Variants in POGLUT2 observed in about 807,000 individuals in gnomAD.
The protein encoded by POGLUT2 is ER protein 58.
POGLUT2 carries 47 observed loss-of-function variants against 57.6 expected under a neutral mutation model. The ratio of observed to expected loss-of-function variants is 0.82; its 90% CI spans 0.65 to 1.04. The LOEUF (loss-of-function observed/expected upper bound fraction) is 1.04, where lower values mean the gene tolerates loss of function less well. POGLUT2 is among the 50% of genes least tolerant of loss of function. The probability of loss-of-function intolerance (pLI) is 0.00; values close to 1 mark genes in which losing one functional copy is unlikely to be tolerated. For missense variants in POGLUT2, 565 were observed against 614.8 expected, an observed-to-expected ratio of 0.92 and a Z score of 0.86; for synonymous variants, 200 against 218.8, an observed-to-expected ratio of 0.91 and a Z score of 0.76.
In POGLUT2 at chr13:102,793,581, C is replaced by CA; in HGVS notation, c.594+19dup. On this transcript the variant is annotated intron_variant, in intron 3 of 9. Coordinates refer to ENST00000376004, the MANE Select transcript of POGLUT2 (RefSeq NM_024089.3). ...AAAAAAAATCACTAAAACAAACAAG[C>CA]AAAAAATCATGTGTTGTACCTTGTT... 1 of 1,595,824 alleles carries CA rather than the reference C, an allele frequency of 6.3e-7. No individual in the cohort carries two copies. Among genetic ancestry groups the CA allele is most frequent in the Non-Finnish European group, 8.6e-7 (1 of 1,165,146 alleles).
At chr13:102,789,285 T>A in intron 6 of POGLUT2, 64 bp from the exon 7 acceptor site, 1 of 1,343,170 alleles carries the variant, frequency 7.4e-7, no homozygotes, top group Non-Finnish European at 1.1e-6. Context: ...TCTATTCTCC[T>A]TCCCATCCCA....
Position 102,798,660 on chromosome 13 carries a change from G to A in POGLUT2, c.11C>T (p.Thr4Ile). ...CAGAAAGAAGCAATAAAGTAGCAAA[G>A]TGCCAAACATTTACAAGACGGACTC... MFG[T>I]LLLYCFFLAT... is the part of the protein sequence containing the mutation. Residue 4 changes from threonine (T) to isoleucine (I), a missense_variant, in exon 1 of 10, where the codon ACT (threonine) becomes ATT (isoleucine). Coordinates refer to ENST00000376004, the MANE Select transcript of POGLUT2 (RefSeq NM_024089.3). The A allele has an allele frequency of 1.3e-6, 2 of 1,594,692 alleles. No homozygotes were observed. The highest frequency in any genetic ancestry group is 8.5e-7 in the Non-Finnish European group (1 of 1,170,110).
rs1187235201 is a variant in POGLUT2, at chr13:102,798,633, G to T, written c.38C>A (p.Ala13Glu). 6.2e-7 allele frequency: 1 copy of T among 1,608,774 alleles called. No individual in the cohort carries two copies. The highest frequency in any genetic ancestry group is 8.5e-7 in the Non-Finnish European group (1 of 1,178,120). ...GGTCTCGGCGAGTGCTGGAACTGTC[G>T]CCAGAAAGAAGCAATAAAGTAGCAA... ...GTLLLYCFFL[A>E]TVPALAETGG... is the part of the protein sequence containing the mutation. Residue 13 changes from alanine to glutamate, a missense_variant, in exon 1 of 10, where the codon GCG becomes GAG. Coordinates refer to ENST00000376004, the MANE Select transcript of POGLUT2 (RefSeq NM_024089.3).
chr13:102,793,519 A>G, intron 3 of POGLUT2, 82 bp downstream of exon 3: 2 of 1,390,666 alleles, frequency 1.4e-6, no homozygotes, highest in Non-Finnish European at 1.0e-6. Context: ...TGTTTATAAA[A>G]TGATTTAGCT....
At chr13:102,793,036 A>C (rs1025184078) in intron 4 of POGLUT2, 23 of 254,204 alleles carry the variant, frequency 9.0e-5, no homozygotes, top group African/African-American at 4.7e-4. Context: ...TTGACCTCCT[A>C]AAGTGCTAGG....
chr13:102,798,697 C>A lies in POGLUT2; in HGVS notation c.-27G>T. On this transcript the variant is annotated 5_prime_UTR_variant, in exon 1 of 10. Transcript: ENST00000376004. ...TACAAGACGGACTCTCGAAATGATCCACCGATAAATGAAGAAGTGTAAGAG... is the reference window on the plus strand; with the variant it reads ...TACAAGACGGACTCTCGAAATGATCAACCGATAAATGAAGAAGTGTAAGAG... The A allele has an allele frequency of 6.4e-7, 1 of 1,561,662 alleles. No homozygotes were observed. Among genetic ancestry groups the A allele is most frequent in the Non-Finnish European group, 8.7e-7 (1 of 1,151,328 alleles).
chr13:102,787,171 C>G (rs967865076), intron 8 of POGLUT2, among the ~76,000 whole-genome samples: 15 of 151,948 alleles, frequency 9.9e-5, no homozygotes, highest in African/African-American at 3.4e-4. Context: ...CTCAGCCTCC[C>G]GAATAGCTGG....
rs1422684695 is a variant in POGLUT2 at position 102,791,033 on chromosome 13, G to A, written c.951C>T (p.Leu317=). Residue 317 remains leucine, a synonymous_variant, in exon 6 of 10, where the codon CTC becomes CTT. Coordinates refer to ENST00000376004, the MANE Select transcript of POGLUT2 (RefSeq NM_024089.3). ...GTTTTCTACTGAGTTTAACCAGCTCGAGTCTCTCTTTGCGGCTGTCTCGCC... is the reference window on the plus strand; with the variant it reads ...GTTTTCTACTGAGTTTAACCAGCTCAAGTCTCTCTTTGCGGCTGTCTCGCC... The part of the protein sequence containing the change: ...WRGRDSRKER[L]ELVKLSRKHP... The A allele has an allele frequency of 4.3e-6, 7 of 1,614,020 alleles. No individual in the cohort carries two copies. Among genetic ancestry groups the A allele is most frequent in the East Asian group, 2.2e-5 (1 of 44,904 alleles).
At position 102,791,009 on chromosome 13, in the gene POGLUT2, T is replaced by A; in HGVS notation, c.975A>T (p.Lys325Asn). The A allele has an allele frequency of 6.2e-7, 1 of 1,614,146 alleles. No individual in the cohort carries two copies. Among genetic ancestry groups the A allele is most frequent in the Non-Finnish European group, 8.5e-7 (1 of 1,180,014 alleles). Residue 325 changes from lysine to asparagine, a missense_variant, in exon 6 of 10, where the codon AAA becomes AAT. Coordinates refer to ENST00000376004, the MANE Select transcript of POGLUT2 (RefSeq NM_024089.3). ...AAGCAGCGTCTATGAGTTCTGGGTG[T>A]TTTCTACTGAGTTTAACCAGCTCGA... Reference protein sequence around the residue: ...ERLELVKLSRKHPELIDAAFT... With the variant: ...ERLELVKLSRNHPELIDAAFT...
chr13:102,798,905 C>A lies in POGLUT2; in HGVS notation c.-235G>T. 1 of 472,898 alleles carries A rather than the reference C, an allele frequency of 2.1e-6. No homozygotes were observed. Among genetic ancestry groups the A allele is most frequent in the Non-Finnish European group, 3.7e-6 (1 of 268,702 alleles). 29.3% of individuals were successfully genotyped at this position (472,898 alleles called of 1,614,324 possible). A position where few individuals can be genotyped will look rare whatever the true frequency, so the allele number is the denominator to read the frequency against. Reference sequence around the variant, plus strand: ...TCCCCTGGCGTTCTGCTGTCCCGGCCGAGAACCGCGCTGCTCCTCTCTCTC... The same window carrying A: ...TCCCCTGGCGTTCTGCTGTCCCGGCAGAGAACCGCGCTGCTCCTCTCTCTC... On this transcript the variant is annotated 5_prime_UTR_variant, in exon 1 of 10. Coordinates refer to ENST00000376004, the MANE Select transcript of POGLUT2 (RefSeq NM_024089.3).
intron 6 of POGLUT2, 94 bp from the exon 7 acceptor site, chr13:102,789,315 C>CTCAGACACAATTTGG: frequency 9.4e-7 from 1 of 1,061,576 alleles, no homozygotes; most frequent in Non-Finnish European, 1.4e-6. Context: ...CTTTGCAATC[C>CTCAGACACAATTTGG]TCAGACACAA....
At chr13:102,784,551 G>GT in intron 9 of POGLUT2, 39 bp from the exon 10 acceptor site, 1 of 1,326,040 alleles carries the variant, frequency 7.5e-7, no homozygotes, top group Non-Finnish European at 1.1e-6. Flanking sequence ...CTATCAAGAA[G>GT]TCTTACACAA....
chr13:102,793,995 TG>T (rs1486870623), intron 2 of POGLUT2, among the ~76,000 whole-genome samples, 189 bp from the exon 3 acceptor site: 2 of 152,118 alleles, frequency 1.3e-5, no homozygotes, highest in East Asian at 3.9e-4. Flanking sequence ...CCCAGCACTT[TG>T]GGAGGCTGAG....
rs7321481 is a variant in POGLUT2, at chr13:102,788,147, G to C, written c.1294-224C>G. Among the ~76,000 whole-genome samples, 679 of 152,314 alleles carry C rather than the reference G, an allele frequency of 4.5e-3. 9 individuals carry two copies. The highest frequency in any genetic ancestry group is 0.016 in the African/African-American group (649 of 41,566). ...TTGAAAAGTCATATTGGACCTTCTA[G>C]AACTAAGCCTCTCCTGGAGAGACAA... is the stretch of plus-strand genomic sequence containing the variant. On this transcript the variant is annotated intron_variant, in intron 7 of 9. Coordinates refer to ENST00000376004, the MANE Select transcript of POGLUT2 (RefSeq NM_024089.3).
intron 2 of POGLUT2, among the ~76,000 whole-genome samples, chr13:102,795,162 G>C (rs1304314293): frequency 7.0e-6 from 1 of 142,062 alleles, no homozygotes; most frequent in African/African-American, 2.7e-5. Flanking sequence ...TGAGGCAGCA[G>C]AATCGCTTGA....
At position 102,798,527 on chromosome 13, in the gene POGLUT2, G is replaced by C. The variant is rs767848413; in HGVS notation, c.144C>G (p.Arg48=). The change falls in exon 1 of 10, where the codon CGC becomes CGG. Residue 48 remains arginine, a synonymous_variant. Transcript: ENST00000376004. ...TATCCACTGCCTGAATATAGAAATA[G>C]CGGGCGGGAAGGACGACGTCTGCTT... ...GLKADVVLPA[R]YFYIQAVDTS... is the part of the protein sequence containing the mutation. The C allele has an allele frequency of 1.2e-6, 2 of 1,612,320 alleles. No homozygotes were observed. The highest frequency in any genetic ancestry group is 1.7e-6 in the Non-Finnish European group (2 of 1,179,142).
chr13:102,798,568 A>G lies in POGLUT2; in HGVS notation c.103T>C (p.Trp35Arg), dbSNP rs1409396651. The G allele has an allele frequency of 1.4e-5, 23 of 1,613,532 alleles. No homozygotes were observed. The highest frequency in any genetic ancestry group is 2.2e-5 in the East Asian group (1 of 44,768). The change falls in exon 1 of 10, where the codon TGG becomes CGG. Residue 35 changes from tryptophan to arginine, a missense_variant. Physicochemically the swap from Trp to Arg is moderately radical, Grantham distance 101 (BLOSUM62 -3). Transcript: ENST00000376004. Reference sequence around the variant, plus strand: ...ACGTCTGCTTTTAGCCCGGGTCCCCATATTTCGCTCTTCTCCGGGCTCAGC... The same window carrying G: ...ACGTCTGCTTTTAGCCCGGGTCCCCGTATTTCGCTCTTCTCCGGGCTCAGC... ...RQLSPEKSEIWGPGLKADVVL... is the reference protein window; with the variant it reads ...RQLSPEKSEIRGPGLKADVVL...
rs148416576 is a variant in POGLUT2, at chr13:102,785,315, C to A, written c.1492-803G>T. Reference sequence around the variant, plus strand: ...CACTGGGGCCAGCCTCACCTTAATTCCTTTTACACCTCCTTGAGAGGTAGA... The same window carrying A: ...CACTGGGGCCAGCCTCACCTTAATTACTTTTACACCTCCTTGAGAGGTAGA... On this transcript the variant is annotated intron_variant, in intron 9 of 9. Transcript: ENST00000376004. Among the ~76,000 whole-genome samples the A allele has an allele frequency of 7.8e-4, 119 of 152,236 alleles. No individual in the cohort carries two copies. In the East Asian group the frequency reaches 0.015, roughly 19 times the overall value.
At chr13:102,791,198 A>C (rs1314536754) in intron 5 of POGLUT2, 60 bp from the exon 6 acceptor site, 8 of 1,605,394 alleles carry the variant, frequency 5.0e-6, no homozygotes, top group Non-Finnish European at 6.8e-6. Flanking sequence ...AGGTTGTTGC[A>C]AAAGAACTCA....
Sources: allele counts gnomAD v4.1 joint callset (sites outside exome capture counted in the v4.1 genomes callset), GRCh38; gene constraint gnomAD v4.1.1; transcripts MANE v1.5; gene names NCBI Gene and HGNC (gene_info 2026-07-23, HGNC 2026-07-21).